The following SIPA1L2 variants were observed in gnomAD, a reference collection of about 807,000 sequenced individuals.
SIPA1L2 encodes signal-induced proliferation-associated 1-like protein 2.
SIPA1L2 carries 56 observed loss-of-function variants against 163.9 expected under a neutral mutation model. That is an observed-to-expected ratio of 0.34 (90% confidence interval 0.28 to 0.43). The LOEUF (loss-of-function observed/expected upper bound fraction) is 0.43. SIPA1L2 is among the 20% of genes least tolerant of loss of function. The pLI, the probability that SIPA1L2 is intolerant of heterozygous loss-of-function variation, is 1.00. For synonymous variants in SIPA1L2, 877 were observed against 865.7 expected (o/e 1.01, Z -0.23); for missense variants, 1,974 against 2,193.5 (o/e 0.90, Z 2.00).
chr1:232,448,376 A>AAACAAC (rs929117797), intron 10 of SIPA1L2, among the ~76,000 whole-genome samples: 1 of 152,210 alleles, frequency 6.6e-6, no homozygotes, highest in African/African-American at 2.4e-5. Flanking sequence ...AGCCAACATA[A>AAACAAC]AACAACAACA....
intron 2 of SIPA1L2, among the ~76,000 whole-genome samples, chr1:232,566,728 G>A (rs879632431): frequency 2.6e-5 from 4 of 152,102 alleles, no homozygotes; most frequent in South Asian, 2.1e-4. Context: ...AGAATCCAAC[G>A]TTCACAATAC....
intron 15 of SIPA1L2, 27 bp downstream of exon 15, chr1:232,439,081 A>C: frequency 6.4e-7 from 1 of 1,564,616 alleles, no homozygotes; most frequent in South Asian, 1.2e-5. Flanking sequence ...ACCAGCAGGT[A>C]CTACTCTGCA....
At position 232,515,594 on chromosome 1, in the gene SIPA1L2, G is replaced by A. The variant is rs1667184650; in HGVS notation, c.-255C>T. On this transcript the variant is annotated 5_prime_UTR_variant, in exon 3 of 23. Coordinates refer to ENST00000674635, the MANE Select transcript of SIPA1L2 (RefSeq NM_020808.5). Reference sequence around the variant, plus strand: ...TTCCTTAAGACATCTGGCTGGTCATGAGTATTTCCTTCACCTGAATTAAGA... The same window carrying A: ...TTCCTTAAGACATCTGGCTGGTCATAAGTATTTCCTTCACCTGAATTAAGA... 2 of 421,740 alleles carry A rather than the reference G, an allele frequency of 4.7e-6. No homozygotes were observed. Among genetic ancestry groups the A allele is most frequent in the Non-Finnish European group, 8.4e-6 (2 of 239,328 alleles). The allele number at this position is 421,740 out of a possible 1,614,324, so 26.1% of individuals were successfully genotyped here. A position where few individuals can be genotyped will look rare whatever the true frequency, so the allele number is the denominator to read the frequency against.
intron 2 of SIPA1L2, among the ~76,000 whole-genome samples, chr1:232,518,182 ATC>A (rs563779509): frequency 8.5e-4 from 130 of 152,368 alleles, no homozygotes; most frequent in African/African-American, 3.0e-3. Flanking sequence ...TCCTAAAGGT[ATC>A]TCAGAATATT....
rs1046058256 is a variant in SIPA1L2 at position 232,511,996 on chromosome 1, C to A, written c.1483+1861G>T. ...TGTCCATCTGACAAAGGGCTAATAT[C>A]CAGAATCTACAAGGAACTGAAACAA... is the stretch of plus-strand genomic sequence containing the variant. On this transcript the variant is annotated intron_variant, in intron 3 of 22. Coordinates refer to ENST00000674635, the MANE Select transcript of SIPA1L2 (RefSeq NM_020808.5). 5.3e-5 allele frequency among the ~76,000 whole-genome samples: 8 copies of A among 152,256 alleles called. No individual in the cohort carries two copies. The East Asian group carries it at 1.5e-3, about 29-fold the overall frequency.
intron 2 of SIPA1L2, among the ~76,000 whole-genome samples, chr1:232,536,263 A>G (rs1406810489): frequency 1.3e-5 from 2 of 152,200 alleles, no homozygotes; most frequent in Non-Finnish European, 2.9e-5. Flanking sequence ...CTCTTTTGGC[A>G]ATGCAGCCTC....
At chr1:232,494,808 T>C (rs948656093) in intron 3 of SIPA1L2, among the ~76,000 whole-genome samples, 2 of 152,246 alleles carry the variant, frequency 1.3e-5, no homozygotes, top group African/African-American at 4.8e-5. Flanking sequence ...CAATCATTCA[T>C]GTGAGCAGGT....
chr1:232,428,459 C>T lies in SIPA1L2; in HGVS notation c.4362G>A (p.Leu1454=), dbSNP rs369655605. ...AGGGGCTGTCAGGAAGCATCAATTTCAGAAAATCTTCTTTAGACAGAACAT... is the reference window on the plus strand; with the variant it reads ...AGGGGCTGTCAGGAAGCATCAATTTTAGAAAATCTTCTTTAGACAGAACAT... ...TQHVLSKEDF[L]KLMLPDSPLV... Residue 1454 remains leucine, a synonymous_variant, in exon 17 of 23, where the codon CTG becomes CTA. Coordinates refer to ENST00000674635, the MANE Select transcript of SIPA1L2 (RefSeq NM_020808.5). 122 of 1,582,128 alleles carry T rather than the reference C, an allele frequency of 7.7e-5. No individual in the cohort carries two copies. Among genetic ancestry groups the T allele is most frequent in the Non-Finnish European group, 1.0e-4 (117 of 1,164,876 alleles).
chr1:232,513,751 CCTTGGACA>C (rs1667085169), intron 3 of SIPA1L2, 98 bp downstream of exon 3: 1 of 1,214,622 alleles, frequency 8.2e-7, no homozygotes, highest in African/African-American at 1.5e-5. Flanking sequence ...TGGACTATGG[CCTTGGACA>C]CTCTGAGGAA....
At chr1:232,423,184 T>C (rs1303708954) in intron 18 of SIPA1L2, among the ~76,000 whole-genome samples, 1 of 152,182 alleles carries the variant, frequency 6.6e-6, no homozygotes, top group Non-Finnish European at 1.5e-5. Flanking sequence ...CTAATGCAAG[T>C]GTGCTGAGTA....
rs1201568354 is a variant in SIPA1L2 at position 232,479,665 on chromosome 1, A to C, written c.2047T>G (p.Ser683Ala). 6.2e-7 allele frequency: 1 copy of C among 1,613,824 alleles called. No individual in the cohort carries two copies. ...TTGGGCATGTAGGGAAGCAGGGTTG[A>C]CACGTGGAACATGAGTTCGTAGTCT... The part of the protein sequence containing the change: ...YKDYELMFHV[S>A]TLLPYMPNNR... The change falls in exon 7 of 23, where the codon TCA becomes GCA. Residue 683 changes from serine to alanine, a missense_variant. By Grantham distance (99) the Ser-to-Ala change is moderately conservative. Coordinates refer to ENST00000674635, the MANE Select transcript of SIPA1L2 (RefSeq NM_020808.5).
At position 232,479,260 on chromosome 1, in the gene SIPA1L2, CAACTGCA is replaced by C. The variant is rs145200256; in HGVS notation, c.2085+360_2085+366del. ...GAACAGCTGAAAATAGCACCAGTAA[CAACTGCA>C]AACAGTATTCTCTATAAATAAGCTA... On this transcript the variant is annotated intron_variant, in intron 7 of 22. Transcript: ENST00000674635. 1.4e-3 allele frequency among the ~76,000 whole-genome samples: 213 copies of C among 152,244 alleles called. 1 individual carries two copies. The highest frequency in any genetic ancestry group is 4.7e-3 in the African/African-American group (196 of 41,534).
At chr1:232,420,850 G>A (rs1387460148) in intron 18 of SIPA1L2, among the ~76,000 whole-genome samples, 1 of 152,042 alleles carries the variant, frequency 6.6e-6, no homozygotes, top group Non-Finnish European at 1.5e-5. Context: ...AAAAGAAAGT[G>A]CCAGCCTAGG....
chr1:232,544,830 T>A (rs951990960), intron 2 of SIPA1L2, among the ~76,000 whole-genome samples: 1 of 152,214 alleles, frequency 6.6e-6, no homozygotes. Flanking sequence ...ATCATTGTTA[T>A]ATCACAATCA....
At chr1:232,443,571 A>G (rs1663030652) in intron 12 of SIPA1L2, 31 bp downstream of exon 12, 1 of 1,523,140 alleles carries the variant, frequency 6.6e-7, no homozygotes, top group South Asian at 1.3e-5. Flanking sequence ...GGTTCCTCCC[A>G]GTGGATAACT....
At chr1:232,573,096 A>T (rs1163958122) in intron 2 of SIPA1L2, among the ~76,000 whole-genome samples, 4 of 151,982 alleles carry the variant, frequency 2.6e-5, no homozygotes, top group Admixed American at 2.6e-4. Flanking sequence ...AATCATTTTT[A>T]AAGGCAAGCT....
Position 232,429,130 on chromosome 1 carries a change from A to G in SIPA1L2, c.4257-566T>C, listed in dbSNP as rs1662076933. 2.0e-5 allele frequency among the ~76,000 whole-genome samples: 3 copies of G among 152,248 alleles called. No homozygotes were observed. In the South Asian group the frequency reaches 6.2e-4, roughly 31 times the overall value. Reference sequence around the variant, plus strand: ...TCAGTATATAAAAATGTATTGACAGACAACAAAGGAGTGTCAAGCTGAATT... The same window carrying G: ...TCAGTATATAAAAATGTATTGACAGGCAACAAAGGAGTGTCAAGCTGAATT... On this transcript the variant is annotated intron_variant, in intron 16 of 22. Coordinates refer to ENST00000674635, the MANE Select transcript of SIPA1L2 (RefSeq NM_020808.5).
chr1:232,519,064 CTGTT>C (rs534440436), intron 2 of SIPA1L2, among the ~76,000 whole-genome samples: 39 of 152,274 alleles, frequency 2.6e-4, no homozygotes, highest in Non-Finnish European at 4.6e-4. Context: ...TTGCAGGACA[CTGTT>C]TGCTCCATGC....
At chr1:232,588,412 C>A (rs758573287) in intron 1 of SIPA1L2, among the ~76,000 whole-genome samples, 4 of 152,200 alleles carry the variant, frequency 2.6e-5, no homozygotes, top group Non-Finnish European at 5.9e-5. Flanking sequence ...TTGACAATTT[C>A]CCTACACTTA....
Sources: allele counts gnomAD v4.1 joint callset (sites outside exome capture counted in the v4.1 genomes callset), GRCh38; gene constraint gnomAD v4.1.1; transcripts MANE v1.5; gene names NCBI Gene and HGNC (gene_info 2026-07-23, HGNC 2026-07-21).